The following DMRT1 variants were observed in gnomAD, a reference collection of about 807,000 sequenced individuals.
The protein encoded by DMRT1 is doublesex and mab-3 related transcription factor 1.
A neutral mutation model predicts 32.3 loss-of-function variants in DMRT1; 7 were observed. The observed-to-expected ratio is 0.22, with a 90% CI of 0.12 to 0.41. The LOEUF (loss-of-function observed/expected upper bound fraction) is 0.41, where lower values mean the gene tolerates loss of function less well. Among genes scored for constraint, DMRT1 ranks in the 10% least tolerant of loss-of-function variants. DMRT1 has a pLI of 1.00. For missense variants in DMRT1, 625 were observed against 500.5 expected, an observed-to-expected ratio of 1.25 and a Z score of -2.37; for synonymous variants, 278 against 206.1, an observed-to-expected ratio of 1.35 and a Z score of -2.99.
chr9:862,070 CAG>C, intron 2 of DMRT1, among the ~76,000 whole-genome samples: 1 of 151,006 alleles, frequency 6.6e-6, no homozygotes, highest in Non-Finnish European at 1.5e-5. Flanking sequence ...GGCGGCCAGG[CAG>C]AGACGCTCCT....
chr9:944,410 T>A (rs1286482604), intron 4 of DMRT1, among the ~76,000 whole-genome samples: 1 of 152,178 alleles, frequency 6.6e-6, no homozygotes, highest in African/African-American at 2.4e-5. Flanking sequence ...ATAAGCACAT[T>A]CAATAAACAC....
chr9:863,314 T>C lies in DMRT1; in HGVS notation c.538+16171T>C, dbSNP rs1815809725. On this transcript the variant is annotated intron_variant, in intron 2 of 4. Transcript: ENST00000382276. ...GCCTGGGTGACAGAGTGAGGCCACG[T>C]CTCTTAAAAAAAAAAAAAAAAAAGG... Among the ~76,000 whole-genome samples the C allele has an allele frequency of 2.1e-5, 2 of 95,254 alleles. 1 individual carries two copies. Among genetic ancestry groups the C allele is most frequent in the Admixed American group, 2.2e-4 (2 of 9,212 alleles). 62.5% of individuals were successfully genotyped at this position (95,254 alleles called of 152,430 possible).
chr9:842,099 G>T lies in DMRT1; in HGVS notation c.261G>T (p.Pro87=). ...ARCRNHGYAS[P]LKGHKRFCMW... Reference sequence around the variant, plus strand: ...GCAGGAACCACGGCTACGCCTCGCCGCTCAAGGGCCACAAGCGCTTCTGCA... The same window carrying T: ...GCAGGAACCACGGCTACGCCTCGCCTCTCAAGGGCCACAAGCGCTTCTGCA... The change falls in exon 1 of 5, where the codon CCG becomes CCT. Residue 87 remains proline (P), a synonymous_variant. Transcript: ENST00000382276. The T allele has an allele frequency of 6.5e-7, 1 of 1,547,464 alleles. No individual in the cohort carries two copies.
chr9:947,680 G>A (rs1453450654), intron 4 of DMRT1, among the ~76,000 whole-genome samples: 1 of 152,110 alleles, frequency 6.6e-6, no homozygotes, highest in African/African-American at 2.4e-5. Context: ...CTGGAATGCA[G>A]TGGCGCGATC....
chr9:931,683 G>T (rs997225008), intron 4 of DMRT1, among the ~76,000 whole-genome samples: 8 of 152,176 alleles, frequency 5.3e-5, no homozygotes, highest in African/African-American at 1.9e-4. Flanking sequence ...TAGACACAGA[G>T]AGAGAATGGA....
At chr9:926,416 C>G (rs1374066421) in intron 4 of DMRT1, among the ~76,000 whole-genome samples, 3 of 152,142 alleles carry the variant, frequency 2.0e-5, no homozygotes, top group Non-Finnish European at 4.4e-5. Context: ...TATTTATTCT[C>G]TTTTTTCCCT....
Position 847,152 on chromosome 9 carries a change from G to C in DMRT1, c.538+9G>C, listed in dbSNP as rs142373310. ...CACCACTGCAGCTTCAGGTAATCTG[G>C]AGGGGCTGGGGTTCACATGGAGGCT... On this transcript the variant is annotated intron_variant, in intron 2 of 4. Transcript: ENST00000382276. The C allele has an allele frequency of 6.2e-7, 1 of 1,611,826 alleles. No homozygotes were observed. The highest frequency in any genetic ancestry group is 8.5e-7 in the Non-Finnish European group (1 of 1,179,584).
chr9:938,016 T>C (rs564720074), intron 4 of DMRT1, among the ~76,000 whole-genome samples: 1 of 152,294 alleles, frequency 6.6e-6, no homozygotes, highest in East Asian at 1.9e-4. Context: ...TAAGTTGATT[T>C]TTGTATACAA....
chr9:932,262 G>T (rs937096551), intron 4 of DMRT1, among the ~76,000 whole-genome samples: 1 of 152,156 alleles, frequency 6.6e-6, no homozygotes, highest in African/African-American at 2.4e-5. Context: ...ACCTTAAACA[G>T]TTTAACTCTG....
intron 3 of DMRT1, among the ~76,000 whole-genome samples, chr9:911,470 A>ATTTTTTTTTTT (rs201141931): frequency 1.6e-4 from 11 of 66,948 alleles, no homozygotes; most frequent in South Asian, 4.5e-4. Flanking sequence ...GGTTAATTGC[A>ATTTTTTTTTTT]TTTTTTTTTT....
chr9:894,213 C>A lies in DMRT1; in HGVS notation c.822+18C>A. 1 of 1,612,110 alleles carries A rather than the reference C, an allele frequency of 6.2e-7. No individual in the cohort carries two copies. The highest frequency in any genetic ancestry group is 1.1e-5 in the South Asian group (1 of 90,954). ...AGTGGCAGGTATGATATTAATTACC[C>A]AGAGAGTGAACTGGTTGTGTGAAAG... is the stretch of plus-strand genomic sequence containing the variant. On this transcript the variant is annotated intron_variant, in intron 3 of 4. Transcript: ENST00000382276.
At chr9:847,440 A>G (rs1249605947) in intron 2 of DMRT1, among the ~76,000 whole-genome samples, 1 of 152,140 alleles carries the variant, frequency 6.6e-6, no homozygotes, top group Non-Finnish European at 1.5e-5. Context: ...CCACCCCTTC[A>G]TTTTCCAGTC....
chr9:898,911 G>A (rs1451178747), intron 3 of DMRT1, among the ~76,000 whole-genome samples: 1 of 152,066 alleles, frequency 6.6e-6, no homozygotes. Context: ...CCATGAACAT[G>A]GAATATCTTT....
intron 2 of DMRT1, among the ~76,000 whole-genome samples, chr9:885,357 G>A (rs1165896310): frequency 6.6e-6 from 1 of 152,208 alleles, no homozygotes; most frequent in Non-Finnish European, 1.5e-5. Context: ...TCACATGTGG[G>A]CTTGGAGAAT....
intron 2 of DMRT1, among the ~76,000 whole-genome samples, chr9:867,827 C>G (rs2132598596): frequency 6.6e-6 from 1 of 152,250 alleles, no homozygotes; most frequent in Admixed American, 6.5e-5. Context: ...CTTTCTTTTT[C>G]TCTTATTTTC....
intron 2 of DMRT1, among the ~76,000 whole-genome samples, chr9:855,509 C>G (rs1199516343): frequency 6.6e-6 from 1 of 152,188 alleles, no homozygotes; most frequent in Admixed American, 6.5e-5. Context: ...AAATTTGAAG[C>G]TCTATTTTAA....
intron 2 of DMRT1, among the ~76,000 whole-genome samples, chr9:859,552 G>T (rs1417925070): frequency 6.6e-6 from 1 of 152,138 alleles, no homozygotes; most frequent in Non-Finnish European, 1.5e-5. Context: ...GCCTGAAGGT[G>T]TCTTCACTTT....
intron 2 of DMRT1, among the ~76,000 whole-genome samples, chr9:872,967 C>G (rs1816337818): frequency 6.6e-6 from 1 of 152,172 alleles, no homozygotes; most frequent in South Asian, 2.1e-4. Flanking sequence ...AAAGGCAGAT[C>G]TTCTCTACTC....
In DMRT1 at chr9:925,506, A is replaced by AG. The variant is rs538432980; in HGVS notation, c.967+8601dup. Among the ~76,000 whole-genome samples, 873 of 152,310 alleles carry AG rather than the reference A, an allele frequency of 5.7e-3. 8 individuals are homozygous for AG. Among genetic ancestry groups the AG allele is most frequent in the South Asian group, 0.022 (108 of 4,826 alleles). On this transcript the variant is annotated intron_variant, in intron 4 of 4. Coordinates refer to ENST00000382276, the MANE Select transcript of DMRT1 (RefSeq NM_021951.3). ...TATTCAATATTCACACTTAACAGAG[A>AG]GGATGGGTGTGCAGGCAGAGCGCCG...
Sources: gnomAD v4.1 joint callset for allele counts (sites outside exome capture counted in the v4.1 genomes callset) on GRCh38, gnomAD v4.1.1 for gene constraint, MANE v1.5 for transcripts, NCBI Gene and HGNC (gene_info 2026-07-23, HGNC 2026-07-21) for gene names.